Variants in RUNX1 observed in about 807,000 individuals in gnomAD.
RUNX1 encodes runt-related transcription factor 1.
In RUNX1, 19 loss-of-function variants were observed where a neutral mutation model predicts 42.8. The observed-to-expected ratio is 0.44, with a 90% CI of 0.31 to 0.65. The LOEUF (loss-of-function observed/expected upper bound fraction) is 0.65. Ranked by LOEUF, RUNX1 falls within the 30% of genes least tolerant of loss-of-function variation. The pLI is 0.07. For synonymous variants in RUNX1, 271 were observed against 289.4 expected (o/e 0.94, Z 0.64); for missense variants, 528 against 672.0 (o/e 0.79, Z 2.37).
At chr21:34,876,162 G>A (rs991132730) in intron 5 of RUNX1, among the ~76,000 whole-genome samples, 2 of 152,196 alleles carry the variant, frequency 1.3e-5, no homozygotes, top group Non-Finnish European at 2.9e-5. Context: ...GACACAGTAC[G>A]AGGGAAGCGA....
intron 7 of RUNX1, among the ~76,000 whole-genome samples, chr21:34,804,055 G>C (rs1339759074): frequency 6.6e-6 from 1 of 152,200 alleles, no homozygotes; most frequent in Admixed American, 6.5e-5. Context: ...TGAAGTTGCA[G>C]GGCAAACTGC....
chr21:34,797,391 GTC>G (rs1204794758), intron 8 of RUNX1, among the ~76,000 whole-genome samples: 1 of 152,192 alleles, frequency 6.6e-6, no homozygotes, highest in Non-Finnish European at 1.5e-5. Flanking sequence ...TATTTAAAAA[GTC>G]ACCCTACCAT....
intron 2 of RUNX1, among the ~76,000 whole-genome samples, chr21:34,928,961 T>G (rs1291547775): frequency 3.9e-3 from 544 of 138,440 alleles, no homozygotes; most frequent in Non-Finnish European, 5.9e-3. Flanking sequence ...AGATTTTTTT[T>G]GGGGGGGGGG....
Position 34,789,137 on chromosome 21 carries a change from G to A in RUNX1, c.*2998C>T, listed in dbSNP as rs2056405096. The stretch of plus-strand genomic sequence containing the variant: ...GGTTGGCAATGTCTCTGTTCTGCTG[G>A]AAGAAACCCATAAACAGGAGAAAGG... On this transcript the variant is annotated 3_prime_UTR_variant, in exon 9 of 9. Transcript: ENST00000675419. The A allele has an allele frequency of 4.3e-6, 1 of 233,224 alleles. No individual in the cohort carries two copies. The highest frequency in any genetic ancestry group is 2.2e-5 in the African/African-American group (1 of 45,340). 14.4% of individuals were successfully genotyped at this position (233,224 alleles called of 1,614,324 possible).
In RUNX1 at chr21:34,897,465, G is replaced by A. The variant is rs139169955; in HGVS notation, c.59-4502C>T. ...CCTTCCTGTCCTCATCTTGGAGGGG[G>A]GCAGATCCTTCTGCCTCAGGTGAAA... On this transcript the variant is annotated intron_variant, in intron 2 of 8. Coordinates refer to ENST00000675419, the MANE Select transcript of RUNX1 (RefSeq NM_001754.5). Among the ~76,000 whole-genome samples, 11 of 152,270 alleles carry A rather than the reference G, an allele frequency of 7.2e-5. No individual in the cohort carries two copies. The East Asian group carries it at 1.9e-3, about 27-fold the overall frequency.
chr21:34,952,958 C>G (rs778458208), intron 2 of RUNX1, among the ~76,000 whole-genome samples: 2 of 152,186 alleles, frequency 1.3e-5, no homozygotes, highest in Non-Finnish European at 2.9e-5. Context: ...GCTTGCTACT[C>G]AAGAGGATGT....
chr21:34,792,160 T>A lies in RUNX1; in HGVS notation c.1418A>T (p.Glu473Val). The A allele has an allele frequency of 1.3e-6, 2 of 1,514,188 alleles. No homozygotes were observed. The highest frequency in any genetic ancestry group is 4.9e-5 in the East Asian group (2 of 40,518). 93.8% of individuals were successfully genotyped at this position (1,514,188 alleles called of 1,614,324 possible). A position where few individuals can be genotyped will look rare whatever the true frequency, so the allele number is the denominator to read the frequency against. ...TCAGTAGGGCCTCCACACGGCCTCC[T>A]CCAGGCGCGCGGAGGGCGCCATGTT... ...PTNMAPSARL[E>V]EAVWRPY Residue 473 changes from glutamate (E) to valine (V), a missense_variant, in exon 9 of 9, where the codon GAG becomes GTG. Around this residue, in one of 3 missense-constraint regions of RUNX1, gnomAD observed 331 missense variants for 382.5 expected, o/e 0.87. Coordinates refer to ENST00000675419, the MANE Select transcript of RUNX1 (RefSeq NM_001754.5). This position sits in a 1 kb window ranked among gnomAD's most constrained non-coding sequence, Gnocchi z 6.9.
At chr21:34,928,990 A>G (rs1192240163) in intron 2 of RUNX1, among the ~76,000 whole-genome samples, 1 of 150,650 alleles carries the variant, frequency 6.6e-6, no homozygotes, top group African/African-American at 2.5e-5. Context: ...CACTTTGTGT[A>G]CAAATCCACT....
intron 4 of RUNX1, among the ~76,000 whole-genome samples, chr21:34,883,343 C>T (rs1377297839): frequency 1.3e-5 from 2 of 151,520 alleles, no homozygotes; most frequent in African/African-American, 4.9e-5. Context: ...TTGGTGGAGG[C>T]GGGTGGGTAA....
rs2056435873 is a variant in RUNX1, at chr21:34,791,626, T to C, written c.*509A>G. On this transcript the variant is annotated 3_prime_UTR_variant, in exon 9 of 9. Transcript: ENST00000675419. ...CCAAATGCAAATACGCATTTTGCAA[T>C]TGATAAGGTGCGGAAAAATTAAAAA... 3 of 230,774 alleles carry C rather than the reference T, an allele frequency of 1.3e-5. No homozygotes were observed. Among genetic ancestry groups the C allele is most frequent in the South Asian group, 1.8e-4 (1 of 5,500 alleles). The allele number at this position is 230,774 out of a possible 1,614,324, so 14.3% of individuals were successfully genotyped here. A position where few individuals can be genotyped will look rare whatever the true frequency, so the allele number is the denominator to read the frequency against.
chr21:34,807,396 T>C (rs1328697710), intron 7 of RUNX1, among the ~76,000 whole-genome samples: 1 of 152,150 alleles, frequency 6.6e-6, no homozygotes, highest in Non-Finnish European at 1.5e-5. Context: ...CCTTCCTTGA[T>C]TGTGTGGCTG....
chr21:35,003,530 T>TAA (rs571748934), intron 2 of RUNX1, among the ~76,000 whole-genome samples: 4,047 of 112,106 alleles, frequency 0.036, 61 homozygotes, highest in Non-Finnish European at 0.054. Flanking sequence ...TTTTTTTTTT[T>TAA]AAAAAAAAAG....
chr21:34,897,636 T>A (rs1412622035), intron 2 of RUNX1, among the ~76,000 whole-genome samples: 1 of 152,242 alleles, frequency 6.6e-6, no homozygotes, highest in African/African-American at 2.4e-5. Flanking sequence ...ACCCCTTCCC[T>A]GGCTTCAGGT....
At chr21:35,012,514 G>A (rs1156558847) in intron 2 of RUNX1, among the ~76,000 whole-genome samples, 1 of 152,102 alleles carries the variant, frequency 6.6e-6, no homozygotes, top group Non-Finnish European at 1.5e-5. Context: ...AATCATTAAG[G>A]CAAGATCGAC....
chr21:34,976,120 G>A (rs2058799850), intron 2 of RUNX1, among the ~76,000 whole-genome samples: 1 of 136,932 alleles, frequency 7.3e-6, no homozygotes, highest in African/African-American at 2.7e-5. Context: ...TACATCAATT[G>A]GTCTTTCCAA....
Position 35,022,092 on chromosome 21 carries a change from T to C in RUNX1, c.58+26750A>G, listed in dbSNP as rs553333845. Among the ~76,000 whole-genome samples the C allele has an allele frequency of 8.5e-5, 13 of 152,320 alleles. No homozygotes were observed. In the East Asian group the frequency reaches 1.2e-3, roughly 14 times the overall value. ...TTCAGAAGCAGTTTGCTGGGGATCATTGTCCCCTCCAGACTGAACACGGGC... is the reference window on the plus strand; with the variant it reads ...TTCAGAAGCAGTTTGCTGGGGATCACTGTCCCCTCCAGACTGAACACGGGC... On this transcript the variant is annotated intron_variant, in intron 2 of 8. Transcript: ENST00000675419.
intron 2 of RUNX1, among the ~76,000 whole-genome samples, chr21:34,894,819 C>G (rs189810053): frequency 1.3e-5 from 2 of 150,528 alleles, no homozygotes; most frequent in Admixed American, 1.3e-4. Context: ...AGATAAGGAA[C>G]CTCACCCTTG....
intron 7 of RUNX1, among the ~76,000 whole-genome samples, chr21:34,819,767 C>T (rs1437358118): frequency 6.6e-6 from 1 of 152,202 alleles, no homozygotes; most frequent in Non-Finnish European, 1.5e-5. Flanking sequence ...ACCAGCCTCC[C>T]GCCCCTCCTG....
chr21:35,029,689 C>T (rs2059260081), intron 2 of RUNX1, among the ~76,000 whole-genome samples: 2 of 152,188 alleles, frequency 1.3e-5, no homozygotes, highest in Admixed American at 6.5e-5. Flanking sequence ...TGCTTAGCTT[C>T]TCTCTTAAGG....
Sources: gnomAD v4.1 joint callset for allele counts (sites outside exome capture counted in the v4.1 genomes callset) on GRCh38, gnomAD v4.1.1 for gene constraint, gnomAD v4.1.1 regional missense constraint, Gnocchi (gnomAD v3.1) non-coding constraint, MANE v1.5 for transcripts, NCBI Gene and HGNC (gene_info 2026-07-23, HGNC 2026-07-21) for gene names.